Variants in THSD7B observed in about 807,000 individuals in gnomAD.
The protein encoded by THSD7B is thrombospondin type 1 domain containing 7B, also known as thrombospondin type-1 domain-containing protein 7B.
Under a neutral mutation model 213.6 loss-of-function variants are expected in THSD7B, and 138 were observed. That is an observed-to-expected ratio of 0.65 (90% confidence interval 0.56 to 0.74). The LOEUF (loss-of-function observed/expected upper bound fraction) is 0.74, where lower values mean the gene tolerates loss of function less well. Ranked by LOEUF, THSD7B falls within the 30% of genes least tolerant of loss-of-function variation. The pLI, the probability that THSD7B is intolerant of heterozygous loss-of-function variation, is 0.00. For missense variants in THSD7B, 1,931 were observed against 1,991.5 expected, an observed-to-expected ratio of 0.97 and a Z score of 0.58; for synonymous variants, 742 against 687.0, an observed-to-expected ratio of 1.08 and a Z score of -1.25.
At chr2:136,904,627 A>G (rs525037) in intron 2 of THSD7B, among the ~76,000 whole-genome samples, 150,878 of 152,292 alleles carry the variant, frequency 0.99, 74,754 homozygotes, top group East Asian at 1. Flanking sequence ...TCCATGTCAG[A>G]ACACTCAGGG....
intron 9 of THSD7B, among the ~76,000 whole-genome samples, chr2:137,238,004 C>A (rs1362221822): frequency 2.6e-5 from 4 of 152,124 alleles, no homozygotes; most frequent in Admixed American, 2.0e-4. Context: ...GATACTCTTT[C>A]TCTCTTTCAG....
chr2:137,398,679 T>C (rs1277869643), intron 12 of THSD7B, among the ~76,000 whole-genome samples: 1 of 152,142 alleles, frequency 6.6e-6, no homozygotes, highest in Non-Finnish European at 1.5e-5. Flanking sequence ...CCTTGAGCTG[T>C]GGTGGGCTCC....
chr2:137,572,486 A>G lies in THSD7B; in HGVS notation c.3353A>G (p.Gln1118Arg). 6.2e-7 allele frequency: 1 copy of G among 1,613,956 alleles called. No individual in the cohort carries two copies. Among genetic ancestry groups the G allele is most frequent in the Non-Finnish European group, 8.5e-7 (1 of 1,179,864 alleles). The change falls in exon 17 of 28, where the codon CAG (glutamine) becomes CGG (arginine). Residue 1118 changes from glutamine to arginine, a missense_variant. By Grantham distance (43) the Gln-to-Arg change is conservative. Transcript: ENST00000409968. ...CAGGATGAAATTCCCCCAGAAACCC[A>G]GTCCTGTTCTCTTATGTGTCCCAAT... Reference protein sequence around the residue: ...CNQDEIPPETQSCSLMCPNEC... With the variant: ...CNQDEIPPETRSCSLMCPNEC...
intron 12 of THSD7B, among the ~76,000 whole-genome samples, chr2:137,382,729 G>A (rs189532188): frequency 6.6e-6 from 1 of 152,298 alleles, no homozygotes; most frequent in African/African-American, 2.4e-5. Context: ...AGTACACTGA[G>A]TACAAGCCCC....
Position 137,659,649 on chromosome 2 carries a change from G to A in THSD7B, c.4376-15G>A. The A allele has an allele frequency of 6.3e-7, 1 of 1,581,804 alleles. No homozygotes were observed. Among genetic ancestry groups the A allele is most frequent in the Non-Finnish European group, 8.6e-7 (1 of 1,164,540 alleles). On this transcript the variant is annotated splice_polypyrimidine_tract_variant and intron_variant, in intron 24 of 27. Transcript: ENST00000409968. ...ATAGAGAAATCTGCAAATGATGGTG[G>A]AATTTCCTTTGCAGGAGGCTGCTCC...
chr2:137,603,918 CTGGCCAACA>C (rs1401037681), intron 17 of THSD7B, among the ~76,000 whole-genome samples: 3 of 152,080 alleles, frequency 2.0e-5, no homozygotes, highest in African/African-American at 7.2e-5. Context: ...CAAGAGTAGC[CTGGCCAACA>C]TGGTGAAACC....
chr2:137,100,780 C>T (rs985398566), intron 4 of THSD7B, among the ~76,000 whole-genome samples: 18 of 152,142 alleles, frequency 1.2e-4, no homozygotes, highest in African/African-American at 4.3e-4. Context: ...AAATAAAGAA[C>T]AGCTGAAATT....
rs186877592 is a variant in THSD7B at position 136,993,128 on chromosome 2, G to A, written c.140-63292G>A. Among the ~76,000 whole-genome samples the A allele has an allele frequency of 1.1e-4, 16 of 152,298 alleles. No homozygotes were observed. In the East Asian group the frequency reaches 2.5e-3, roughly 24 times the overall value. On this transcript the variant is annotated intron_variant, in intron 2 of 27. Coordinates refer to ENST00000409968, the MANE Select transcript of THSD7B (RefSeq NM_001316349.2). ...GTGGAGAAACAGACCATGAAAAACC[G>A]AGGATTGTCAGTACTGGCCTTTGCA...
intron 2 of THSD7B, among the ~76,000 whole-genome samples, chr2:136,964,548 C>T (rs901361380): frequency 6.6e-6 from 1 of 152,188 alleles, no homozygotes; most frequent in African/African-American, 2.4e-5. Flanking sequence ...ATTAACTACC[C>T]TCTTTTTTTG....
intron 7 of THSD7B, among the ~76,000 whole-genome samples, chr2:137,199,578 G>A (rs1680835897): frequency 1.3e-5 from 2 of 152,096 alleles, no homozygotes; most frequent in African/African-American, 4.8e-5. Context: ...GTTTTGTGAT[G>A]CTCTTCCTGA....
chr2:136,892,961 G>A (rs1558841551), intron 2 of THSD7B, among the ~76,000 whole-genome samples: 2 of 151,994 alleles, frequency 1.3e-5, no homozygotes, highest in African/African-American at 2.4e-5. Context: ...ATATCTTCTC[G>A]ACCTTTCTCT....
At chr2:137,615,901 T>C (rs961003655) in intron 17 of THSD7B, among the ~76,000 whole-genome samples, 2 of 152,136 alleles carry the variant, frequency 1.3e-5, no homozygotes, top group African/African-American at 4.8e-5. Context: ...AGTGTGAGTT[T>C]AAATGATAGA....
rs539825999 is a variant in THSD7B at position 136,818,099 on chromosome 2, T to C, written c.-36+52412T>C. Among the ~76,000 whole-genome samples, 18 of 148,368 alleles carry C rather than the reference T, an allele frequency of 1.2e-4. No homozygotes were observed. The East Asian group carries it at 3.3e-3, about 28-fold the overall frequency. ...GCTGCTATAAAGACACATGCACACG[T>C]ATGTTTATTGCGGCATTATTCACAA... On this transcript the variant is annotated intron_variant, in intron 1 of 27. Transcript: ENST00000409968.
At chr2:137,067,611 A>T (rs527559065) in intron 3 of THSD7B, among the ~76,000 whole-genome samples, 44 of 152,170 alleles carry the variant, frequency 2.9e-4, no homozygotes, top group African/African-American at 1.0e-3. Flanking sequence ...TGTTAAGCCT[A>T]TTAAGCCTGT....
chr2:137,501,078 C>G (rs1469248109), intron 15 of THSD7B, among the ~76,000 whole-genome samples: 1 of 151,996 alleles, frequency 6.6e-6, no homozygotes, highest in African/African-American at 2.4e-5. Flanking sequence ...TTAGGATCAC[C>G]CTGAATTGTG....
chr2:137,329,086 G>A (rs950610095), intron 12 of THSD7B, among the ~76,000 whole-genome samples: 4 of 152,206 alleles, frequency 2.6e-5, no homozygotes, highest in African/African-American at 9.6e-5. Flanking sequence ...AACAGGCAGA[G>A]ACTGGAAAAG....
chr2:136,884,518 AG>A (rs1324314605), intron 2 of THSD7B, among the ~76,000 whole-genome samples: 1 of 152,216 alleles, frequency 6.6e-6, no homozygotes, highest in African/African-American at 2.4e-5. Context: ...AAAAACCACA[AG>A]GCAGGGGAGC....
intron 15 of THSD7B, among the ~76,000 whole-genome samples, chr2:137,469,192 C>G (rs1216029433): frequency 6.6e-6 from 1 of 152,006 alleles, no homozygotes; most frequent in Non-Finnish European, 1.5e-5. Context: ...AGAGATCAAA[C>G]CAGAAAGGTA....
chr2:137,490,568 C>A (rs1470122070), intron 15 of THSD7B, among the ~76,000 whole-genome samples: 1 of 152,130 alleles, frequency 6.6e-6, no homozygotes, highest in Non-Finnish European at 1.5e-5. Context: ...CTGTCAACAT[C>A]CCCCATCAGA....
Sources: gnomAD v4.1 joint callset for allele counts (sites outside exome capture counted in the v4.1 genomes callset) on GRCh38, gnomAD v4.1.1 for gene constraint, MANE v1.5 for transcripts, NCBI Gene and HGNC (gene_info 2026-07-23, HGNC 2026-07-21) for gene names.